Variants in MLF1 observed in about 807,000 individuals in gnomAD.
The protein encoded by MLF1 is myelodysplasia-myeloid leukemia factor 1.
MLF1 carries 37 observed loss-of-function variants against 38.3 expected under a neutral mutation model. The observed-to-expected ratio is 0.96, with a 90% CI of 0.74 to 1.27. The LOEUF (loss-of-function observed/expected upper bound fraction) is 1.27, where lower values mean the gene tolerates loss of function less well. Among genes scored for constraint, MLF1 ranks in the 50% most tolerant of loss-of-function variants. The pLI is 0.00. For synonymous variants in MLF1, 95 were observed against 106.5 expected (o/e 0.89, Z 0.66); for missense variants, 331 against 349.2 (o/e 0.95, Z 0.42).
chr3:158,572,088 G>T (rs1257096887), intron 1 of MLF1, among the ~76,000 whole-genome samples: 1 of 122,300 alleles, frequency 8.2e-6, no homozygotes, highest in Non-Finnish European at 1.8e-5. Context: ...GGCGTGAGGT[G>T]GGGGGAGGGT....
intron 1 of MLF1, chr3:158,588,813 T>C (rs555310570): frequency 3.5e-5 from 16 of 453,838 alleles, no homozygotes; most frequent in Non-Finnish European, 7.1e-5. Flanking sequence ...TAAGCTTCTA[T>C]GGCATAAACA....
intron 5 of MLF1, 141 bp downstream of exon 5, chr3:158,598,349 T>G: frequency 2.4e-6 from 2 of 820,442 alleles, no homozygotes; most frequent in Non-Finnish European, 3.7e-6. Flanking sequence ...GGGGGTAAGG[T>G]AGTCCTCACT....
chr3:158,576,498 T>C (rs1715445522), intron 1 of MLF1, among the ~76,000 whole-genome samples: 1 of 152,158 alleles, frequency 6.6e-6, no homozygotes, highest in African/African-American at 2.4e-5. Flanking sequence ...TTTATAAATA[T>C]TTAGTACGAC....
At chr3:158,595,204 A>G (rs911715912) in intron 3 of MLF1, among the ~76,000 whole-genome samples, 1 of 152,132 alleles carries the variant, frequency 6.6e-6, no homozygotes, top group African/African-American at 2.4e-5. Context: ...GGGATTAGAC[A>G]GGTGACCAGC....
chr3:158,603,010 G>T, intron 7 of MLF1, 71 bp downstream of exon 7: 1 of 1,386,868 alleles, frequency 7.2e-7, no homozygotes, highest in Non-Finnish European at 9.8e-7. Flanking sequence ...ATTTACTTCT[G>T]TTATCAGAAA....
chr3:158,602,712 A>C, intron 6 of MLF1, 95 bp from the exon 7 acceptor site: 1 of 1,261,348 alleles, frequency 7.9e-7, no homozygotes, highest in Non-Finnish European at 1.1e-6. Context: ...TACACTAATG[A>C]AAACACCAGA....
rs142077206 is a variant in MLF1, at chr3:158,599,139, A to G, written c.454-875A>G. 7.9e-5 allele frequency among the ~76,000 whole-genome samples: 12 copies of G among 152,288 alleles called. No individual in the cohort carries two copies. The East Asian group carries it at 2.3e-3, about 29-fold the overall frequency. On this transcript the variant is annotated intron_variant, in intron 5 of 7. Transcript: ENST00000466246. Reference sequence around the variant, plus strand: ...ATATCCAAAATATGAATGTACCATGATTTTTAAATCATTTTCTGTCAATAG... The same window carrying G: ...ATATCCAAAATATGAATGTACCATGGTTTTTAAATCATTTTCTGTCAATAG...
At chr3:158,605,043 TA>T in intron 7 of MLF1, 53 bp from the exon 8 acceptor site, 1 of 1,274,582 alleles carries the variant, frequency 7.8e-7, no homozygotes, top group Non-Finnish European at 1.1e-6. Flanking sequence ...TATTGATTTA[TA>T]AACCATTGGC....
chr3:158,597,544 C>G (rs1719065257), intron 4 of MLF1, among the ~76,000 whole-genome samples: 1 of 152,144 alleles, frequency 6.6e-6, no homozygotes. Flanking sequence ...GAAGAAGACC[C>G]ATAACATTCT....
intron 1 of MLF1, among the ~76,000 whole-genome samples, chr3:158,577,789 A>G (rs2108559457): frequency 6.6e-6 from 1 of 152,296 alleles, no homozygotes; most frequent in Non-Finnish European, 1.5e-5. Context: ...AGTAGCATGT[A>G]CCCACAAGAT....
intron 1 of MLF1, among the ~76,000 whole-genome samples, chr3:158,578,995 G>A (rs115736794): frequency 9.9e-4 from 150 of 152,152 alleles, no homozygotes; most frequent in African/African-American, 3.6e-3. Flanking sequence ...ATTCACTAAA[G>A]CATGACTTTA....
rs144134715 is a variant in MLF1 at position 158,586,314 on chromosome 3, T to C, written c.48-6120T>C. 4.5e-4 allele frequency among the ~76,000 whole-genome samples: 68 copies of C among 152,162 alleles called. 1 individual carries two copies. Among genetic ancestry groups the C allele is most frequent in the African/African-American group, 1.5e-3 (61 of 41,498 alleles). On this transcript the variant is annotated intron_variant, in intron 1 of 7. Coordinates refer to ENST00000466246, the MANE Select transcript of MLF1 (RefSeq NM_001369783.1). ...TAAAGCATCCAGAGAGTAGATTTCTTAGAAAGAATGAGAACCAGATTGTCA... is the reference window on the plus strand; with the variant it reads ...TAAAGCATCCAGAGAGTAGATTTCTCAGAAAGAATGAGAACCAGATTGTCA...
intron 1 of MLF1, among the ~76,000 whole-genome samples, chr3:158,585,463 T>C (rs1288608454): frequency 2.0e-5 from 3 of 152,210 alleles, no homozygotes; most frequent in Non-Finnish European, 4.4e-5. Context: ...TAAACCTCTT[T>C]TCTTTGTAAA....
rs1165313669 is a variant in MLF1 at position 158,598,315 on chromosome 3, G to A, written c.453+107G>A. Reference sequence around the variant, plus strand: ...TTTAATCTGGTACAAGATGGTGGGGGGACAGGAGGGAGGTGTGGGGGTTGG... The same window carrying A: ...TTTAATCTGGTACAAGATGGTGGGGAGACAGGAGGGAGGTGTGGGGGTTGG... On this transcript the variant is annotated intron_variant, in intron 5 of 7. Coordinates refer to ENST00000466246, the MANE Select transcript of MLF1 (RefSeq NM_001369783.1). 40 of 1,094,692 alleles carry A rather than the reference G, an allele frequency of 3.7e-5. 1 individual carries two copies. The highest frequency in any genetic ancestry group is 4.9e-5 in the Non-Finnish European group (39 of 794,230). The allele number at this position is 1,094,692 out of a possible 1,614,324, so 67.8% of individuals were successfully genotyped here.
At chr3:158,586,083 G>A (rs1410656320) in intron 1 of MLF1, among the ~76,000 whole-genome samples, 1 of 151,678 alleles carries the variant, frequency 6.6e-6, no homozygotes, top group Non-Finnish European at 1.5e-5. Flanking sequence ...AGAATTGCTT[G>A]AACCCAGGAG....
chr3:158,584,220 C>T (rs1716854688), intron 1 of MLF1, among the ~76,000 whole-genome samples: 1 of 152,216 alleles, frequency 6.6e-6, no homozygotes, highest in East Asian at 1.9e-4. Flanking sequence ...AGAGTGAGCA[C>T]CAAATACTGT....
intron 1 of MLF1, among the ~76,000 whole-genome samples, chr3:158,586,499 T>C (rs1717282196): frequency 6.6e-6 from 1 of 152,184 alleles, no homozygotes; most frequent in Non-Finnish European, 1.5e-5. Context: ...TTTACTGTGT[T>C]CAAATTACTA....
chr3:158,597,814 G>A (rs74743936), intron 4 of MLF1, among the ~76,000 whole-genome samples: 5,184 of 152,214 alleles, frequency 0.034, 134 homozygotes, highest in Non-Finnish European at 0.052. Context: ...CTCTGAGTGA[G>A]TCACTTATTA....
intron 1 of MLF1, chr3:158,582,638 T>A: frequency 2.7e-6 from 1 of 375,062 alleles, no homozygotes; most frequent in Non-Finnish European, 4.7e-6. Context: ...AAAATAATTA[T>A]ATCTGACTTC....
Sources: allele counts gnomAD v4.1 joint callset (sites outside exome capture counted in the v4.1 genomes callset), GRCh38; gene constraint gnomAD v4.1.1; transcripts MANE v1.5; gene names NCBI Gene and HGNC (gene_info 2026-07-23, HGNC 2026-07-21).